The following ALK variants were observed in gnomAD, a reference collection of about 807,000 sequenced individuals.
ALK encodes ALK receptor tyrosine kinase.
A neutral mutation model predicts 163.1 loss-of-function variants in ALK; 74 were observed. The observed-to-expected ratio is 0.45, with a 90% CI of 0.38 to 0.55. The LOEUF (loss-of-function observed/expected upper bound fraction) is 0.55. Ranked by LOEUF, ALK falls within the 20% of genes least tolerant of loss-of-function variation. The pLI, the probability that ALK is intolerant of heterozygous loss-of-function variation, is 0.00. For synonymous variants in ALK, 960 were observed against 843.2 expected, an observed-to-expected ratio of 1.14 and a Z score of -2.40; for missense variants, 2,063 against 2,105.3, an observed-to-expected ratio of 0.98 and a Z score of 0.39.
At chr2:29,327,503 C>T (rs1667301835) in intron 6 of ALK, among the ~76,000 whole-genome samples, 1 of 152,012 alleles carries the variant, frequency 6.6e-6, no homozygotes, top group Non-Finnish European at 1.5e-5. Flanking sequence ...TGCTAAATGC[C>T]CAGAATAGGC....
intron 1 of ALK, among the ~76,000 whole-genome samples, chr2:29,851,609 G>C (rs776050764): frequency 6.6e-6 from 1 of 152,198 alleles, no homozygotes; most frequent in African/African-American, 2.4e-5. Context: ...CTAGGGTGGG[G>C]CCTGGAAGTC....
At chr2:29,333,858 T>C (rs1348155152) in intron 5 of ALK, among the ~76,000 whole-genome samples, 1 of 152,210 alleles carries the variant, frequency 6.6e-6, no homozygotes, top group Non-Finnish European at 1.5e-5. Context: ...GCAATCCTCC[T>C]GCCTCAGCCT....
rs552655164 is a variant in ALK, at chr2:29,725,212, G to A, written c.668-7515C>T. Among the ~76,000 whole-genome samples the A allele has an allele frequency of 6.4e-5, 9 of 140,244 alleles. 1 individual carries two copies. The South Asian group carries it at 2.2e-3, about 34-fold the overall frequency. The allele number at this position is 140,244 out of a possible 152,430, so 92.0% of individuals were successfully genotyped here. ...GGTTGCTCCAGAATGGCTAAAGCGT[G>A]TAAATCTGGAGCCCAAACACTCTGG... On this transcript the variant is annotated intron_variant, in intron 1 of 28. Transcript: ENST00000389048.
chr2:29,786,211 C>G (rs969300823), intron 1 of ALK, among the ~76,000 whole-genome samples: 1 of 152,056 alleles, frequency 6.6e-6, no homozygotes. Flanking sequence ...TTTTCCCATC[C>G]AGTCTTTTCG....
chr2:29,920,062 TGCCCACTTCCGAC>T lies in ALK; in HGVS notation c.585_597del (p.Ser196GlufsTer49), dbSNP rs1558549460. 1 of 1,614,216 alleles carries T rather than the reference TGCCCACTTCCGAC, an allele frequency of 6.2e-7. No homozygotes were observed. The highest frequency in any genetic ancestry group is 1.7e-5 in the Admixed American group (1 of 60,034). On this transcript the variant is annotated frameshift_variant, in exon 1 of 29. Transcript: ENST00000389048. LOFTEE classifies it high-confidence loss of function. ...ATTGCCGCGGACAGCCTTCCCTCTC[TGCCCACTTCCGAC>T]GCCTTCTTCTCGGGCATCAGGCGGA... is the stretch of plus-strand genomic sequence containing the variant.
chr2:29,615,636 A>C (rs1016205039), intron 3 of ALK, among the ~76,000 whole-genome samples: 1 of 152,174 alleles, frequency 6.6e-6, no homozygotes, highest in Non-Finnish European at 1.5e-5. Flanking sequence ...TACTGACCCC[A>C]CAATCCTTGA....
At chr2:29,613,237 C>T (rs776050915) in intron 3 of ALK, among the ~76,000 whole-genome samples, 5 of 152,182 alleles carry the variant, frequency 3.3e-5, no homozygotes, top group East Asian at 3.8e-4. Flanking sequence ...ACAAAGAAGC[C>T]GAGAGCTAAA....
At chr2:29,615,465 C>T (rs1675815812) in intron 3 of ALK, among the ~76,000 whole-genome samples, 1 of 152,182 alleles carries the variant, frequency 6.6e-6, no homozygotes, top group Non-Finnish European at 1.5e-5. Flanking sequence ...GCAATAATGC[C>T]TAGCTCATTG....
chr2:29,847,809 G>A (rs1264328167), intron 1 of ALK, among the ~76,000 whole-genome samples: 3 of 151,818 alleles, frequency 2.0e-5, no homozygotes, highest in Admixed American at 6.6e-5. Flanking sequence ...AGAGAGAAAG[G>A]AGAAGAGAAA....
chr2:29,746,762 T>C (rs1680216277), intron 1 of ALK, among the ~76,000 whole-genome samples: 1 of 152,232 alleles, frequency 6.6e-6, no homozygotes, highest in Non-Finnish European at 1.5e-5. Flanking sequence ...AGATATCTGT[T>C]ACATTCTAAC....
At chr2:29,874,032 C>T (rs923497519) in intron 1 of ALK, among the ~76,000 whole-genome samples, 9 of 152,100 alleles carry the variant, frequency 5.9e-5, no homozygotes, top group Non-Finnish European at 1.3e-4. Flanking sequence ...CAATGACCTC[C>T]CCAACCCTAA....
At chr2:29,583,088 A>G (rs1674769532) in intron 3 of ALK, among the ~76,000 whole-genome samples, 1 of 143,614 alleles carries the variant, frequency 7.0e-6, no homozygotes, top group Non-Finnish European at 1.5e-5. Context: ...CATGTTGGCC[A>G]GGCTGGTCTC....
chr2:29,407,067 T>G (rs779090215), intron 4 of ALK, among the ~76,000 whole-genome samples: 2 of 152,192 alleles, frequency 1.3e-5, no homozygotes, highest in Admixed American at 6.5e-5. Context: ...GTGCATGAAG[T>G]CCGCGTGCTG....
chr2:29,649,217 TGAGAGAGA>T (rs141534978), intron 3 of ALK, among the ~76,000 whole-genome samples: 16 of 147,540 alleles, frequency 1.1e-4, no homozygotes, highest in South Asian at 2.2e-4. Flanking sequence ...TGTGTGTATG[TGAGAGAGA>T]GAGAGAGAGA....
intron 4 of ALK, among the ~76,000 whole-genome samples, chr2:29,530,356 C>A (rs954539246): frequency 6.6e-6 from 1 of 152,326 alleles, no homozygotes. Context: ...CCAGGCCACA[C>A]AAGAAGTGCT....
intron 2 of ALK, among the ~76,000 whole-genome samples, chr2:29,705,272 TATATATATAA>T (rs1191990460): frequency 0.067 from 3,811 of 56,972 alleles, 297 homozygotes; most frequent in African/African-American, 0.12. Context: ...TATATATATA[TATATATATAA>T]ATATATATCT....
chr2:29,894,321 T>C (rs1207859856), intron 1 of ALK, among the ~76,000 whole-genome samples: 1 of 152,094 alleles, frequency 6.6e-6, no homozygotes. Context: ...TGTTTGGGGA[T>C]CCAGGAGTCC....
rs1573125930 is a variant in ALK at position 29,223,695 on chromosome 2, C to T, written c.3173-167G>A. 4.7e-6 allele frequency: 3 copies of T among 643,624 alleles called. No homozygotes were observed. In the East Asian group the frequency reaches 8.2e-5, roughly 18 times the overall value. 39.9% of individuals were successfully genotyped at this position (643,624 alleles called of 1,614,324 possible). A position where few individuals can be genotyped will look rare whatever the true frequency, so the allele number is the denominator to read the frequency against. ...AATAAAATGATTAAAGAAGGTGTGT[C>T]TTTAATTGAAGCATGATTTAAAGTA... On this transcript the variant is annotated intron_variant, in intron 19 of 28. Coordinates refer to ENST00000389048, the MANE Select transcript of ALK (RefSeq NM_004304.5).
At chr2:29,611,578 T>C (rs1244282482) in intron 3 of ALK, among the ~76,000 whole-genome samples, 2 of 152,194 alleles carry the variant, frequency 1.3e-5, no homozygotes, top group African/African-American at 4.8e-5. Flanking sequence ...AAATAAATGA[T>C]ATGGCTTGGC....
Sources: gnomAD v4.1 joint callset for allele counts (sites outside exome capture counted in the v4.1 genomes callset) on GRCh38, gnomAD v4.1.1 for gene constraint, MANE v1.5 for transcripts, NCBI Gene and HGNC (gene_info 2026-07-23, HGNC 2026-07-21) for gene names.